The following LRRC7 variants were observed in gnomAD, a reference collection of about 807,000 sequenced individuals.
The protein encoded by LRRC7 is leucine rich repeat containing 7.
Under a neutral mutation model 175.7 loss-of-function variants are expected in LRRC7, and 23 were observed. The ratio of observed to expected loss-of-function variants is 0.13; its 90% CI spans 0.09 to 0.19. The LOEUF (loss-of-function observed/expected upper bound fraction) is 0.19. Among genes scored for constraint, LRRC7 ranks in the 10% least tolerant of loss-of-function variants. The pLI is 1.00. For synonymous variants in LRRC7, 685 were observed against 680.9 expected (o/e 1.01, Z -0.09); for missense variants, 1,354 against 1,904.7 (o/e 0.71, Z 5.38).
At chr1:70,118,342 CA>C (rs201164918) in intron 26 of LRRC7, among the ~76,000 whole-genome samples, 3,136 of 140,210 alleles carry the variant, frequency 0.022, 92 homozygotes, top group African/African-American at 0.072. Context: ...TCCTTCCACT[CA>C]AAAAAAAAAA....
chr1:69,703,632 T>C (rs985091032), intron 2 of LRRC7, among the ~76,000 whole-genome samples: 7 of 152,004 alleles, frequency 4.6e-5, no homozygotes, highest in Non-Finnish European at 1.0e-4. Flanking sequence ...ACATTTCTGA[T>C]CTATAAATCA....
intron 1 of LRRC7, among the ~76,000 whole-genome samples, chr1:69,669,233 T>G (rs1217085538): frequency 1.3e-5 from 2 of 152,210 alleles, no homozygotes; most frequent in Admixed American, 1.3e-4. Flanking sequence ...TTGAAGTACT[T>G]CCTTTAGCAT....
At chr1:69,796,578 A>G (rs1675797945) in intron 4 of LRRC7, among the ~76,000 whole-genome samples, 1 of 152,106 alleles carries the variant, frequency 6.6e-6, no homozygotes, top group Non-Finnish European at 1.5e-5. Context: ...TGAGGTCGGG[A>G]GTTCGAGACC....
chr1:69,952,997 CAAAAAAAAA>C (rs61277479), intron 8 of LRRC7, among the ~76,000 whole-genome samples: 5 of 56,990 alleles, frequency 8.8e-5, no homozygotes, highest in Non-Finnish European at 1.7e-4. Flanking sequence ...AGAGACAAGG[CAAAAAAAAA>C]AAAAAAAAAA....
intron 7 of LRRC7, chr1:69,919,618 C>A (rs11802766): frequency 3.6e-6 from 3 of 841,506 alleles, no homozygotes; most frequent in Admixed American, 1.8e-5. Flanking sequence ...AGCTGATCAG[C>A]GGCTACATCC....
At chr1:70,089,661 A>G in intron 24 of LRRC7, 66 bp from the exon 25 acceptor site, 2 of 1,083,414 alleles carry the variant, frequency 1.8e-6, no homozygotes, top group Non-Finnish European at 2.7e-6. Flanking sequence ...CTACTGAAAT[A>G]CAGTTATTTG....
intron 23 of LRRC7, among the ~76,000 whole-genome samples, chr1:70,055,437 A>G (rs1051153843): frequency 2.6e-5 from 4 of 152,242 alleles, no homozygotes; most frequent in African/African-American, 4.8e-5. Flanking sequence ...GGAAGATTCT[A>G]TAGTAATTCA....
chr1:69,857,005 A>G (rs1438709863), intron 7 of LRRC7, among the ~76,000 whole-genome samples: 1 of 152,198 alleles, frequency 6.6e-6, no homozygotes, highest in Admixed American at 6.6e-5. Context: ...AGAACCAAAG[A>G]CAAAAACCAC....
rs1235125780 is a variant in LRRC7, at chr1:69,772,477, T to G, written c.303+12084T>G. 2.6e-5 allele frequency among the ~76,000 whole-genome samples: 4 copies of G among 152,186 alleles called. No homozygotes were observed. In the East Asian group the frequency reaches 7.7e-4, roughly 29 times the overall value. ...AAGTTCAAATAAGCTAAGAATGGTC[T>G]TAAGATTTTATTCTAAGTGACATGA... On this transcript the variant is annotated intron_variant, in intron 3 of 26. Transcript: ENST00000651989.
intron 2 of LRRC7, among the ~76,000 whole-genome samples, chr1:69,718,121 G>GAA (rs879384945): frequency 1.6e-5 from 1 of 61,222 alleles, no homozygotes; most frequent in African/African-American, 8.5e-5. Flanking sequence ...AAGAAAGAAA[G>GAA]AAAGAAAAGA....
chr1:69,943,003 C>T (rs1307880515), intron 8 of LRRC7, among the ~76,000 whole-genome samples: 4 of 152,004 alleles, frequency 2.6e-5, no homozygotes, highest in Non-Finnish European at 5.9e-5. Context: ...TATCAGCTAT[C>T]ATTAGTGTTA....
In LRRC7 at chr1:70,124,102, TTC is replaced by T. The variant is rs1039077531; in HGVS notation, c.*2217_*2218del. On this transcript the variant is annotated 3_prime_UTR_variant, in exon 27 of 27. Coordinates refer to ENST00000651989, the MANE Select transcript of LRRC7 (RefSeq NM_001370785.2). ...TGAGCCACTTCTTTAGTACTTCCTGTTCTGCAGTTCAGAAATGAGGAAAAGAG... is the reference window on the plus strand; with the variant it reads ...TGAGCCACTTCTTTAGTACTTCCTGTTGCAGTTCAGAAATGAGGAAAAGAG... Among the ~76,000 whole-genome samples, 18 of 152,316 alleles carry T rather than the reference TTC, an allele frequency of 1.2e-4. No homozygotes were observed. The highest frequency in any genetic ancestry group is 3.8e-4 in the African/African-American group (16 of 41,566).
At chr1:69,656,326 C>T (rs1207735487) in intron 1 of LRRC7, among the ~76,000 whole-genome samples, 2 of 151,912 alleles carry the variant, frequency 1.3e-5, no homozygotes, top group Non-Finnish European at 2.9e-5. Flanking sequence ...GTTTGACATA[C>T]TGGCTTCTGT....
intron 7 of LRRC7, among the ~76,000 whole-genome samples, chr1:69,906,261 T>C (rs980646146): frequency 6.6e-6 from 1 of 152,226 alleles, no homozygotes; most frequent in Non-Finnish European, 1.5e-5. Flanking sequence ...CTCTTTAGTT[T>C]AATTAGATCC....
intron 5 of LRRC7, among the ~76,000 whole-genome samples, chr1:69,832,123 C>T (rs1210357876): frequency 6.6e-6 from 1 of 152,084 alleles, no homozygotes; most frequent in Non-Finnish European, 1.5e-5. Flanking sequence ...CCAGGAAATA[C>T]TTGTTGAGAG....
At chr1:69,681,861 T>C (rs920892271) in intron 2 of LRRC7, among the ~76,000 whole-genome samples, 4 of 152,196 alleles carry the variant, frequency 2.6e-5, no homozygotes, top group African/African-American at 9.6e-5. Flanking sequence ...TTTATGTTGC[T>C]ATAATAGTTT....
intron 7 of LRRC7, among the ~76,000 whole-genome samples, chr1:69,888,732 A>G (rs923107529): frequency 6.6e-6 from 1 of 152,108 alleles, no homozygotes; most frequent in Non-Finnish European, 1.5e-5. Flanking sequence ...AAAAAAAAAC[A>G]GACAGAAGCC....
At chr1:69,693,345 A>G (rs1662139614) in intron 2 of LRRC7, among the ~76,000 whole-genome samples, 1 of 152,184 alleles carries the variant, frequency 6.6e-6, no homozygotes, top group Non-Finnish European at 1.5e-5. Flanking sequence ...CACTGTTCTC[A>G]GGAGAAACAG....
At chr1:70,099,306 T>C (rs826902) in intron 25 of LRRC7, among the ~76,000 whole-genome samples, 71,275 of 120,962 alleles carry the variant, frequency 0.59, 20,762 homozygotes, top group Middle Eastern at 0.67. Context: ...AAATTAGGTA[T>C]TGATGGGACG....
Sources: allele counts gnomAD v4.1 joint callset (sites outside exome capture counted in the v4.1 genomes callset), GRCh38; gene constraint gnomAD v4.1.1; transcripts MANE v1.5; gene names NCBI Gene and HGNC (gene_info 2026-07-23, HGNC 2026-07-21).